EPHA3: variants seen among roughly 807,000 people sequenced by gnomAD.
EPHA3 encodes EPH receptor A3, also known as ephrin type-A receptor 3.
EPHA3 carries 42 observed loss-of-function variants against 107.1 expected under a neutral mutation model. The observed-to-expected ratio is 0.39, with a 90% CI of 0.31 to 0.51. The LOEUF (loss-of-function observed/expected upper bound fraction) is 0.51, where lower values mean the gene tolerates loss of function less well. Ranked by LOEUF, EPHA3 falls within the 20% of genes least tolerant of loss-of-function variation. The pLI is 0.78. For missense variants in EPHA3, 1,183 were observed against 1,211.2 expected (o/e 0.98, Z 0.35); for synonymous variants, 461 against 424.8 (o/e 1.09, Z -1.05).
intron 2 of EPHA3, among the ~76,000 whole-genome samples, chr3:89,187,686 G>T (rs561626780): frequency 2.0e-5 from 3 of 152,112 alleles, no homozygotes; most frequent in African/African-American, 7.2e-5. Context: ...AATATTTGTT[G>T]ATTTACATGA....
intron 3 of EPHA3, among the ~76,000 whole-genome samples, chr3:89,328,762 A>G (rs1461441023): frequency 6.6e-6 from 1 of 152,168 alleles, no homozygotes; most frequent in Non-Finnish European, 1.5e-5. Context: ...AAAAAGAGAT[A>G]ATACCAGTCT....
intron 3 of EPHA3, among the ~76,000 whole-genome samples, chr3:89,268,464 T>G (rs145767840): frequency 6.6e-6 from 1 of 152,140 alleles, no homozygotes; most frequent in Non-Finnish European, 1.5e-5. Context: ...ATACTTCAAG[T>G]TTCTAAAAAC....
At chr3:89,300,354 T>C (rs1706452692) in intron 3 of EPHA3, among the ~76,000 whole-genome samples, 1 of 152,000 alleles carries the variant, frequency 6.6e-6, no homozygotes, top group South Asian at 2.1e-4. Context: ...AAGTTATATA[T>C]TAATATGTAA....
intron 3 of EPHA3, among the ~76,000 whole-genome samples, chr3:89,253,411 T>G (rs1353783111): frequency 1.3e-5 from 2 of 152,068 alleles, no homozygotes; most frequent in Non-Finnish European, 2.9e-5. Flanking sequence ...ACATGTTCTT[T>G]TACAATAAAA....
intron 3 of EPHA3, among the ~76,000 whole-genome samples, chr3:89,245,717 G>T (rs2107253488): frequency 1.3e-5 from 2 of 152,308 alleles, no homozygotes; most frequent in South Asian, 4.1e-4. Flanking sequence ...TAGTCCATGT[G>T]GATGCCTGTG....
At chr3:89,358,929 A>C (rs1708025518) in intron 5 of EPHA3, among the ~76,000 whole-genome samples, 1 of 151,186 alleles carries the variant, frequency 6.6e-6, no homozygotes, top group Non-Finnish European at 1.5e-5. Context: ...AGAATATGTG[A>C]ACTTATAACA....
Position 89,271,642 on chromosome 3 carries a change from G to A in EPHA3, c.814+61122G>A, listed in dbSNP as rs116152067. Among the ~76,000 whole-genome samples the A allele has an allele frequency of 5.6e-3, 849 of 151,978 alleles. 4 individuals are homozygous for A. The highest frequency in any genetic ancestry group is 0.016 in the African/African-American group (663 of 41,474). On this transcript the variant is annotated intron_variant, in intron 3 of 16. Transcript: ENST00000336596. ...TCTCCATCCATACCGATAGCTGATG[G>A]TTGATTGTAATATGTTGAAATAGAA...
rs574524486 is a variant in EPHA3, at chr3:89,438,830, C to G, written c.2346+7471C>G. 2.6e-5 allele frequency among the ~76,000 whole-genome samples: 4 copies of G among 152,270 alleles called. No individual in the cohort carries two copies. The East Asian group carries it at 7.7e-4, about 29-fold the overall frequency. On this transcript the variant is annotated intron_variant, in intron 13 of 16. Coordinates refer to ENST00000336596, the MANE Select transcript of EPHA3 (RefSeq NM_005233.6). Reference sequence around the variant, plus strand: ...CCACTTATTCAATAACTAGAAAACTCTCAAAGGTTCAGTGATTTTAATAAT... The same window carrying G: ...CCACTTATTCAATAACTAGAAAACTGTCAAAGGTTCAGTGATTTTAATAAT...
At chr3:89,110,101 G>A (rs956487691) in intron 1 of EPHA3, among the ~76,000 whole-genome samples, 2 of 151,764 alleles carry the variant, frequency 1.3e-5, no homozygotes, top group African/African-American at 4.8e-5. Context: ...TATATGAGAG[G>A]AGTGGTGATT....
At chr3:89,223,632 A>T (rs1184784168) in intron 3 of EPHA3, among the ~76,000 whole-genome samples, 2 of 152,210 alleles carry the variant, frequency 1.3e-5, no homozygotes, top group African/African-American at 4.8e-5. Flanking sequence ...ATGACTTGGT[A>T]TCCATCTTAA....
chr3:89,362,532 G>T (rs572303173), intron 5 of EPHA3, among the ~76,000 whole-genome samples: 4 of 151,230 alleles, frequency 2.6e-5, no homozygotes, highest in African/African-American at 9.6e-5. Context: ...TAGTCACAAA[G>T]GCTGCAACAA....
intron 2 of EPHA3, among the ~76,000 whole-genome samples, chr3:89,198,872 G>A (rs1194991891): frequency 6.6e-6 from 1 of 152,096 alleles, no homozygotes; most frequent in Admixed American, 6.6e-5. Context: ...TAAGTAGTTG[G>A]TCATTTGTAA....
intron 5 of EPHA3, among the ~76,000 whole-genome samples, chr3:89,366,546 A>G (rs1708187477): frequency 6.6e-6 from 1 of 150,824 alleles, no homozygotes; most frequent in African/African-American, 2.4e-5. Flanking sequence ...TATAATTTGT[A>G]TATTTGAAAG....
At chr3:89,112,625 C>T (rs1363006524) in intron 1 of EPHA3, among the ~76,000 whole-genome samples, 3 of 150,476 alleles carry the variant, frequency 2.0e-5, no homozygotes, top group Admixed American at 2.0e-4. Flanking sequence ...ATTTGATTTA[C>T]TAATTTCAAC....
intron 3 of EPHA3, among the ~76,000 whole-genome samples, chr3:89,286,288 G>T (rs1431372242): frequency 6.6e-5 from 10 of 151,726 alleles, no homozygotes; most frequent in African/African-American, 2.4e-4. Flanking sequence ...AAGTGAGGCA[G>T]ATCAGGTAGG....
At chr3:89,197,369 T>A (rs1351637994) in intron 2 of EPHA3, among the ~76,000 whole-genome samples, 3 of 151,682 alleles carry the variant, frequency 2.0e-5, no homozygotes, top group Non-Finnish European at 4.4e-5. Flanking sequence ...AAACATGATA[T>A]ACCTGAGGCT....
chr3:89,292,463 C>A (rs1355856823), intron 3 of EPHA3, among the ~76,000 whole-genome samples: 1 of 152,118 alleles, frequency 6.6e-6, no homozygotes, highest in Non-Finnish European at 1.5e-5. Context: ...GGAACGAGTT[C>A]CCTGTGGAAC....
chr3:89,141,685 A>T (rs1704434852), intron 2 of EPHA3, among the ~76,000 whole-genome samples: 5 of 151,630 alleles, frequency 3.3e-5, no homozygotes, highest in Admixed American at 2.6e-4. Flanking sequence ...ATGAAAGTTT[A>T]AAGGACAGAA....
At chr3:89,372,847 C>T (rs1216987567) in intron 5 of EPHA3, among the ~76,000 whole-genome samples, 2 of 151,640 alleles carry the variant, frequency 1.3e-5, no homozygotes, top group Non-Finnish European at 3.0e-5. Flanking sequence ...TCTTACCTTG[C>T]ACTAGTAATA....
Sources: gnomAD v4.1 joint callset for allele counts (sites outside exome capture counted in the v4.1 genomes callset) on GRCh38, gnomAD v4.1.1 for gene constraint, MANE v1.5 for transcripts, NCBI Gene and HGNC (gene_info 2026-07-23, HGNC 2026-07-21) for gene names.